Variants in PLCG2 observed in about 807,000 individuals in gnomAD.
PLCG2 encodes 1-phosphatidylinositol 4,5-bisphosphate phosphodiesterase gamma-2.
Under a neutral mutation model 175.6 loss-of-function variants are expected in PLCG2, and 69 were observed. The ratio of observed to expected loss-of-function variants is 0.39; its 90% CI spans 0.32 to 0.48. The LOEUF (loss-of-function observed/expected upper bound fraction) is 0.48, where lower values mean the gene tolerates loss of function less well. Among genes scored for constraint, PLCG2 ranks in the 20% least tolerant of loss-of-function variants. PLCG2 has a pLI of 0.91. For missense variants in PLCG2, 1,798 were observed against 1,650.9 expected (o/e 1.09, Z -1.54); for synonymous variants, 827 against 624.0 (o/e 1.33, Z -4.85).
At chr16:81,934,999 T>TC (rs34613969) in intron 26 of PLCG2, among the ~76,000 whole-genome samples, 7,516 of 152,192 alleles carry the variant, frequency 0.049, 318 homozygotes, top group East Asian at 0.15. Context: ...GAGCTACAAT[T>TC]CAAGGTGAGA....
intron 19 of PLCG2, among the ~76,000 whole-genome samples, chr16:81,918,841 G>A (rs1189227648): frequency 6.6e-6 from 1 of 151,920 alleles, no homozygotes; most frequent in Non-Finnish European, 1.5e-5. Context: ...AGGCTCTTCT[G>A]TTTTGGATTT....
chr16:81,776,101 T>TTTTTCTTTCTTTCTTTCTTTCTTTC (rs1910398191), upstream of PLCG2, among the ~76,000 whole-genome samples: 1 of 55,310 alleles, frequency 1.8e-5, no homozygotes, highest in Non-Finnish European at 4.1e-5. Context: ...TTCTTTCTTT[T>TTTTTCTTTCTTTCTTTCTTTCTTTC]TTTCCTTCTT....
At chr16:81,838,840 A>T (rs1037188271) in intron 2 of PLCG2, among the ~76,000 whole-genome samples, 4 of 150,896 alleles carry the variant, frequency 2.7e-5, no homozygotes. Context: ...AAATGCACAC[A>T]TGGTGCATGT....
chr16:81,812,520 C>T lies in PLCG2; in HGVS notation c.193+26338C>T, dbSNP rs548394222. 3.2e-4 allele frequency among the ~76,000 whole-genome samples: 49 copies of T among 152,310 alleles called. No homozygotes were observed. In the South Asian group the frequency reaches 9.5e-3, roughly 30 times the overall value. On this transcript the variant is annotated intron_variant, in intron 2 of 32. Transcript: ENST00000564138. ...AGTGTCTGTTCATATCCTTTGTCCA[C>T]TTTTTGATGGGGTTGTTTTTTCTTG...
chr16:81,754,380 A>C (rs185107596), intron 1 of PLCG2, among the ~76,000 whole-genome samples: 1 of 4,776 alleles, frequency 2.1e-4, no homozygotes, highest in Non-Finnish European at 3.7e-4. Context: ...CCTCCTCCCC[A>C]CCCCTCCCCA....
At chr16:81,784,555 A>G (rs572191421) in intron 1 of PLCG2, among the ~76,000 whole-genome samples, 2 of 152,334 alleles carry the variant, frequency 1.3e-5, no homozygotes, top group African/African-American at 4.8e-5. Flanking sequence ...TGTAACCTTG[A>G]GAGCTACAGA....
At chr16:81,886,052 A>T (rs942337987) in intron 9 of PLCG2, among the ~76,000 whole-genome samples, 1 of 152,148 alleles carries the variant, frequency 6.6e-6, no homozygotes, top group African/African-American at 2.4e-5. Context: ...TCCCTTCATT[A>T]TTTTCCTTCC....
Position 81,895,836 on chromosome 16 carries a change from C to G in PLCG2, c.1102C>G (p.Pro368Ala). 6.2e-7 allele frequency: 1 copy of G among 1,614,130 alleles called. No homozygotes were observed. Among genetic ancestry groups the G allele is most frequent in the Non-Finnish European group, 8.5e-7 (1 of 1,179,998 alleles). The change falls in exon 13 of 33, where the codon CCG becomes GCG. Residue 368 changes from proline (P) to alanine (A), a missense_variant. Transcript: ENST00000564138. ...CTGCTGGGACGGGCCCGATGGGAAGCCGGTCATCTACCATGGCTGGACGCG... is the reference window on the plus strand; with the variant it reads ...CTGCTGGGACGGGCCCGATGGGAAGGCGGTCATCTACCATGGCTGGACGCG... ...LDCWDGPDGKPVIYHGWTRTT... is the reference protein window; with the variant it reads ...LDCWDGPDGKAVIYHGWTRTT...
chr16:81,775,824 G>T (rs1229656859), upstream of PLCG2, among the ~76,000 whole-genome samples: 2 of 151,892 alleles, frequency 1.3e-5, no homozygotes, highest in African/African-American at 4.8e-5. Context: ...TCTACCCTTT[G>T]AGGTCACTTC....
chr16:81,803,392 C>A (rs1911830705), intron 2 of PLCG2, among the ~76,000 whole-genome samples: 1 of 152,114 alleles, frequency 6.6e-6, no homozygotes, highest in African/African-American at 2.4e-5. Flanking sequence ...ATATTATCAA[C>A]ACTTCATTCC....
chr16:81,889,195 C>T lies in PLCG2; in HGVS notation c.789C>T (p.Asn263=), dbSNP rs1001137639. 1 of 1,603,312 alleles carries T rather than the reference C, an allele frequency of 6.2e-7. No individual in the cohort carries two copies. The highest frequency in any genetic ancestry group is 8.5e-7 in the Non-Finnish European group (1 of 1,173,814). Residue 263 remains asparagine, a synonymous_variant, in exon 10 of 33, where the codon AAC becomes AAT. Transcript: ENST00000564138. ...AGGAGCATTGGGCTCAGGATCTGAA[C>T]AAAGTCCGTGAGCGGATGACAAAGT... The part of the protein sequence containing the change: ...EQQEHWAQDL[N]KVRERMTKFI...
intron 1 of PLCG2, among the ~76,000 whole-genome samples, chr16:81,748,612 A>T (rs1909748780): frequency 6.6e-6 from 1 of 152,144 alleles, no homozygotes; most frequent in African/African-American, 2.4e-5. Context: ...TTTGAATGGC[A>T]TGCCATGTGC....
At chr16:81,936,081 A>G (rs946312703) in intron 26 of PLCG2, 88 bp from the exon 27 acceptor site, 4 of 1,538,630 alleles carry the variant, frequency 2.6e-6, no homozygotes, top group African/African-American at 1.4e-5. Context: ...TTCCTTTTAT[A>G]ATCTGAGCAT....
At chr16:81,826,611 C>G (rs138977751) in intron 2 of PLCG2, among the ~76,000 whole-genome samples, 2 of 152,292 alleles carry the variant, frequency 1.3e-5, no homozygotes, top group East Asian at 3.9e-4. Flanking sequence ...CTACAATACT[C>G]AGTGCTTCAA....
chr16:81,919,907 T>C (rs1909992595), intron 20 of PLCG2, among the ~76,000 whole-genome samples: 1 of 152,112 alleles, frequency 6.6e-6, no homozygotes, highest in Non-Finnish European at 1.5e-5. Context: ...ATGAGTGCTA[T>C]GGAGAAAAAC....
intron 13 of PLCG2, chr16:81,898,029 A>C (rs1908975237): frequency 5.7e-6 from 2 of 351,394 alleles, no homozygotes; most frequent in African/African-American, 2.2e-5. Flanking sequence ...GCCAACCTCC[A>C]TCAGGCAGAT....
chr16:81,814,084 C>G (rs1319018292), intron 2 of PLCG2, among the ~76,000 whole-genome samples: 1 of 152,040 alleles, frequency 6.6e-6, no homozygotes, highest in Non-Finnish European at 1.5e-5. Flanking sequence ...AGGCTGCCCT[C>G]CATAAGGAGA....
chr16:81,742,155 G>C (rs977019140), intron 1 of PLCG2, among the ~76,000 whole-genome samples: 6 of 3,566 alleles, frequency 1.7e-3, no homozygotes, highest in African/African-American at 3.3e-3. Context: ...TTGTGGGGGC[G>C]GGGGGGGGGG....
At chr16:81,844,131 C>T (rs1905982791) in intron 2 of PLCG2, among the ~76,000 whole-genome samples, 1 of 146,796 alleles carries the variant, frequency 6.8e-6, no homozygotes, top group African/African-American at 2.5e-5. Flanking sequence ...TGCCCGCCAC[C>T]ACACCCGGCT....
Sources: allele counts gnomAD v4.1 joint callset (sites outside exome capture counted in the v4.1 genomes callset), GRCh38; gene constraint gnomAD v4.1.1; transcripts MANE v1.5; gene names NCBI Gene and HGNC (gene_info 2026-07-23, HGNC 2026-07-21).